OPRM1: variants seen among roughly 807,000 people sequenced by gnomAD.
The protein encoded by OPRM1 is mu-type opioid receptor.
In OPRM1, 27 loss-of-function variants were observed where a neutral mutation model predicts 31.8. The ratio of observed to expected loss-of-function variants is 0.85; its 90% CI spans 0.63 to 1.17. The LOEUF (loss-of-function observed/expected upper bound fraction) is 1.17, where lower values mean the gene tolerates loss of function less well. Ranked by LOEUF, OPRM1 falls within the 50% of genes most tolerant of loss-of-function variation. OPRM1 has a pLI of 0.00. For missense variants in OPRM1, 536 were observed against 511.1 expected, an observed-to-expected ratio of 1.05 and a Z score of -0.47; for synonymous variants, 196 against 189.9, an observed-to-expected ratio of 1.03 and a Z score of -0.26.
intron 3 of OPRM1, among the ~76,000 whole-genome samples, chr6:154,151,767 T>A (rs1798504951): frequency 1.3e-5 from 2 of 152,224 alleles, no homozygotes; most frequent in South Asian, 4.2e-4. Flanking sequence ...AGAAGAGACT[T>A]CTGGGTTGAT....
At chr6:154,217,417 G>C (rs2128611765) in intron 3 of OPRM1, 1 of 149,282 alleles carries the variant, frequency 6.7e-6, no homozygotes, top group Middle Eastern at 3.4e-3. Flanking sequence ...TAAACCACAA[G>C]AGGTGGCTGC....
At position 154,122,605 on chromosome 6, in the gene OPRM1, T is replaced by C. The variant is rs552365231; in HGVS notation, c.*3884T>C. Among the ~76,000 whole-genome samples, 1 of 152,324 alleles carries C rather than the reference T, an allele frequency of 6.6e-6. No homozygotes were observed. The highest frequency in any genetic ancestry group is 1.9e-4 in the East Asian group (1 of 5,194). On this transcript the variant is annotated 3_prime_UTR_variant, in exon 4 of 4. Coordinates refer to ENST00000330432, the MANE Select transcript of OPRM1 (RefSeq NM_000914.5). Reference sequence around the variant, plus strand: ...AATTTCAACCCATAGTCAGTGTTCTTCACTGTCTTCAAAAATATAAAAAGT... The same window carrying C: ...AATTTCAACCCATAGTCAGTGTTCTCCACTGTCTTCAAAAATATAAAAAGT...
At chr6:154,229,346 G>GTTTTTTTTTTTTTTTTT (rs34462600) in intron 3 of OPRM1, among the ~76,000 whole-genome samples, 3 of 112,680 alleles carry the variant, frequency 2.7e-5, no homozygotes, top group African/African-American at 1.0e-4. Context: ...AAGTTTGCCG[G>GTTTTTTTTTTTTTTTTT]TTTTTTTTTT....
intron 1 of OPRM1, among the ~76,000 whole-genome samples, chr6:154,047,254 A>G (rs1781295840): frequency 6.6e-6 from 1 of 150,930 alleles, no homozygotes; most frequent in East Asian, 2.0e-4. Context: ...GGGAAAAGTC[A>G]TCTTCTTACT....
chr6:154,038,042 C>T (rs1473253211), upstream of OPRM1, among the ~76,000 whole-genome samples: 2 of 152,048 alleles, frequency 1.3e-5, no homozygotes, highest in Non-Finnish European at 2.9e-5. Flanking sequence ...AAATTATATG[C>T]TTTAATGTAA....
At chr6:154,219,985 A>AGTGTGTGTGTGTGTGT (rs57450665) in intron 3 of OPRM1, among the ~76,000 whole-genome samples, 111 of 140,134 alleles carry the variant, frequency 7.9e-4, no homozygotes, top group Middle Eastern at 7.2e-3. Flanking sequence ...ACCTGTAAGG[A>AGTGTGTGTGTGTGTGT]GTGTGTGTGT....
At chr6:154,094,174 C>T (rs1281518720) in intron 3 of OPRM1, 3 of 1,227,724 alleles carry the variant, frequency 2.4e-6, no homozygotes, top group Non-Finnish European at 3.2e-6. Flanking sequence ...CTATATGTCA[C>T]ATTTCAAGCA....
intron 3 of OPRM1, among the ~76,000 whole-genome samples, chr6:154,188,588 TA>T (rs1801590232): frequency 6.6e-6 from 1 of 152,234 alleles, no homozygotes. Flanking sequence ...TAAACACCCT[TA>T]AAAAAAGAAC....
intron 3 of OPRM1, chr6:154,108,153 T>C: frequency 3.9e-6 from 2 of 508,692 alleles, no homozygotes; most frequent in Non-Finnish European, 7.1e-6. Context: ...AGCTGCATCA[T>C]AAAGGAAATT....
downstream of OPRM1, among the ~76,000 whole-genome samples, chr6:154,134,070 C>T (rs1797995771): frequency 6.6e-6 from 1 of 152,214 alleles, no homozygotes; most frequent in Admixed American, 6.5e-5. Context: ...ACTTTATTCA[C>T]TGCACAGTGG....
At chr6:154,044,435 T>C (rs983727069) in intron 1 of OPRM1, among the ~76,000 whole-genome samples, 2 of 152,034 alleles carry the variant, frequency 1.3e-5, no homozygotes, top group African/African-American at 4.8e-5. Flanking sequence ...TGCTAGAAAA[T>C]AGATGTCAAA....
intron 3 of OPRM1, among the ~76,000 whole-genome samples, chr6:154,205,398 C>T (rs1223651584): frequency 1.3e-5 from 2 of 152,172 alleles, no homozygotes; most frequent in East Asian, 3.9e-4. Context: ...AGTTCAAGAC[C>T]AGCCTGGTCA....
At chr6:154,161,275 A>G (rs1415054406) in intron 3 of OPRM1, among the ~76,000 whole-genome samples, 2 of 150,830 alleles carry the variant, frequency 1.3e-5, no homozygotes, top group East Asian at 2.0e-4. Flanking sequence ...CAGTGGCCCA[A>G]TCTCAGCTCA....
chr6:154,128,726 C>G lies in OPRM1; in HGVS notation c.*10005C>G, dbSNP rs1040317077. The stretch of plus-strand genomic sequence containing the variant: ...CTGGAGACTGAGCACATAAAGACAT[C>G]ATTGAGGAAAAAGGCTACCTTGTAC... On this transcript the variant is annotated 3_prime_UTR_variant, in exon 4 of 4. Coordinates refer to ENST00000330432, the MANE Select transcript of OPRM1 (RefSeq NM_000914.5). Among the ~76,000 whole-genome samples the G allele has an allele frequency of 6.6e-6, 1 of 152,124 alleles. No individual in the cohort carries two copies. Among genetic ancestry groups the G allele is most frequent in the African/African-American group, 2.4e-5 (1 of 41,404 alleles).
chr6:154,237,686 A>G (rs535924999), intron 3 of OPRM1, among the ~76,000 whole-genome samples: 1 of 152,304 alleles, frequency 6.6e-6, no homozygotes, highest in African/African-American at 2.4e-5. Flanking sequence ...ACCTCATAAT[A>G]AAGTACAGGA....
chr6:154,171,833 A>G (rs1055261710), intron 3 of OPRM1, among the ~76,000 whole-genome samples: 7 of 152,230 alleles, frequency 4.6e-5, no homozygotes, highest in African/African-American at 1.7e-4. Context: ...TTTAAGACAC[A>G]GTAATTTTAC....
At chr6:154,235,181 G>C (rs1780017826) in intron 3 of OPRM1, among the ~76,000 whole-genome samples, 1 of 152,190 alleles carries the variant, frequency 6.6e-6, no homozygotes. Flanking sequence ...AATAGATAAA[G>C]GAGCACCATT....
chr6:154,221,880 CAAAT>C (rs1778894906), intron 3 of OPRM1, among the ~76,000 whole-genome samples: 1 of 152,064 alleles, frequency 6.6e-6, no homozygotes, highest in East Asian at 1.9e-4. Flanking sequence ...TCTCAAAAAA[CAAAT>C]AAATAAATAA....
At chr6:154,184,984 A>G (rs1801208989) in intron 3 of OPRM1, among the ~76,000 whole-genome samples, 1 of 152,222 alleles carries the variant, frequency 6.6e-6, no homozygotes, top group Non-Finnish European at 1.5e-5. Flanking sequence ...TACCAGGGCC[A>G]GCCTGTCTGC....
Sources: allele counts gnomAD v4.1 joint callset (sites outside exome capture counted in the v4.1 genomes callset), GRCh38; gene constraint gnomAD v4.1.1; transcripts MANE v1.5; gene names NCBI Gene and HGNC (gene_info 2026-07-23, HGNC 2026-07-21).